The following RUVBL1 variants were observed in gnomAD, a reference collection of about 807,000 sequenced individuals.
The protein encoded by RUVBL1 is RuvB like AAA ATPase 1.
A neutral mutation model predicts 52.4 loss-of-function variants in RUVBL1; 4 were observed. The ratio of observed to expected loss-of-function variants is 0.08; its 90% CI spans 0.04 to 0.17. The LOEUF (loss-of-function observed/expected upper bound fraction) is 0.17, where lower values mean the gene tolerates loss of function less well. Among genes scored for constraint, RUVBL1 ranks in the 10% least tolerant of loss-of-function variants. The pLI, the probability that RUVBL1 is intolerant of heterozygous loss-of-function variation, is 1.00. For missense variants in RUVBL1, 298 were observed against 572.8 expected (o/e 0.52, Z 4.90); for synonymous variants, 217 against 214.4 (o/e 1.01, Z -0.10).
chr3:128,109,260 A>T (rs1943320093), intron 3 of RUVBL1, among the ~76,000 whole-genome samples: 1 of 152,126 alleles, frequency 6.6e-6, no homozygotes, highest in African/African-American at 2.4e-5. Context: ...TAAAACTGGC[A>T]CTGGGATGGG....
At position 128,067,228 on chromosome 3, in the gene RUVBL1, A is replaced by C; in HGVS notation, c.940-2008T>G. On this transcript the variant is annotated intron_variant, in intron 9 of 9. Transcript: ENST00000464873. The surrounding 1 kb of genome is among the most constrained non-coding windows in gnomAD (Gnocchi z 4.1). ...TTCTATCAGTGTCTTGCTCATGAACAGATATTTCATCCAAAGATATTTTCC... is the reference window on the plus strand; with the variant it reads ...TTCTATCAGTGTCTTGCTCATGAACCGATATTTCATCCAAAGATATTTTCC... 1 of 1,395,846 alleles carries C rather than the reference A, an allele frequency of 7.2e-7. No individual in the cohort carries two copies. The highest frequency in any genetic ancestry group is 1.0e-6 in the Non-Finnish European group (1 of 991,302). The allele number at this position is 1,395,846 out of a possible 1,614,324, so 86.5% of individuals were successfully genotyped here.
intron 8 of RUVBL1, among the ~76,000 whole-genome samples, chr3:128,091,339 A>G (rs1464243432): frequency 1.3e-5 from 2 of 152,278 alleles, no homozygotes; most frequent in Non-Finnish European, 2.9e-5. Flanking sequence ...CAAGGCAGCC[A>G]TAATGGTAAT....
At chr3:128,098,619 T>G (rs1039004284) in intron 7 of RUVBL1, among the ~76,000 whole-genome samples, 1 of 152,194 alleles carries the variant, frequency 6.6e-6, no homozygotes, top group African/African-American at 2.4e-5. Context: ...CCAGCAGAGC[T>G]GGGCGACACA....
chr3:128,141,286 C>T (rs887919592), intron 1 of RUVBL1, among the ~76,000 whole-genome samples: 8 of 152,186 alleles, frequency 5.3e-5, no homozygotes, highest in African/African-American at 1.9e-4. Flanking sequence ...CCTGGTAAGC[C>T]TTACCTCACA....
upstream of RUVBL1, among the ~76,000 whole-genome samples, chr3:128,127,954 G>A (rs75939240): frequency 3.5e-4 from 54 of 152,160 alleles, no homozygotes; most frequent in African/African-American, 9.6e-4. Context: ...CCGAGATTGC[G>A]CCACTGCACT....
At chr3:128,068,060 G>C (rs1942038444) in intron 9 of RUVBL1, 2 of 1,613,042 alleles carry the variant, frequency 1.2e-6, no homozygotes, top group Non-Finnish European at 1.7e-6. Flanking sequence ...AACTCAACCG[G>C]TGAGTGGTGG....
At chr3:128,103,130 T>G (rs184660478) in intron 4 of RUVBL1, among the ~76,000 whole-genome samples, 3 of 152,366 alleles carry the variant, frequency 2.0e-5, no homozygotes, top group East Asian at 1.9e-4. Context: ...GTATTCATTT[T>G]GGAAGAAAAA....
chr3:128,066,991 A>G, intron 9 of RUVBL1: 2 of 1,614,152 alleles, frequency 1.2e-6, no homozygotes, highest in Admixed American at 1.7e-5. Flanking sequence ...TCGGCCCGCT[A>G]CCGTGGCCAG....
At chr3:128,098,831 G>T in intron 7 of RUVBL1, 51 bp downstream of exon 7, 1 of 1,499,894 alleles carries the variant, frequency 6.7e-7, no homozygotes, top group Non-Finnish European at 9.3e-7. Context: ...ATCTCAGAAT[G>T]TGGGGCCCTC....
chr3:128,065,458 C>A (rs983341278), intron 9 of RUVBL1, among the ~76,000 whole-genome samples: 17 of 152,254 alleles, frequency 1.1e-4, no homozygotes, highest in African/African-American at 4.1e-4. Flanking sequence ...TAAAAGTATT[C>A]CATCTCTTAA....
intron 1 of RUVBL1, among the ~76,000 whole-genome samples, chr3:128,133,991 G>A (rs907430152): frequency 6.6e-6 from 1 of 152,042 alleles, no homozygotes; most frequent in Non-Finnish European, 1.5e-5. Context: ...GAAGCGCAAC[G>A]AAATTCAAGA....
intron 1 of RUVBL1, among the ~76,000 whole-genome samples, chr3:128,136,476 AT>A (rs1273106542): frequency 3.3e-5 from 5 of 151,878 alleles, no homozygotes. Context: ...AAATACAAAA[AT>A]TTGCCGGGCA....
In RUVBL1 at chr3:128,081,077, C is replaced by T. The variant is rs72974082; in HGVS notation, c.*173G>A. 177 of 582,792 alleles carry T rather than the reference C, an allele frequency of 3.0e-4. 1 individual carries two copies. The African/African-American group carries it at 3.2e-3, about 10-fold the overall frequency. The allele number at this position is 582,792 out of a possible 1,614,324, so 36.1% of individuals were successfully genotyped here. ...TAAGGAAGGGTTCTTTCAAAGCAAC[C>T]ACAGGAACAGTTACGATAACTTAAA... On this transcript the variant is annotated 3_prime_UTR_variant, in exon 11 of 11. Transcript: ENST00000322623. This position sits in a 1 kb window ranked among gnomAD's most constrained non-coding sequence, Gnocchi z 4.8.
At chr3:128,153,693 G>T in exon 1 of RUVBL1, 1 of 1,589,978 alleles carries the variant, frequency 6.3e-7, no homozygotes, top group Non-Finnish European at 8.5e-7. Flanking sequence ...CGCTGCCCGC[G>T]CGCCTGCGGT....
chr3:128,092,107 C>T (rs1278069495), intron 8 of RUVBL1, among the ~76,000 whole-genome samples: 7 of 152,188 alleles, frequency 4.6e-5, no homozygotes, highest in African/African-American at 7.2e-5. Flanking sequence ...AAAAAAAGAA[C>T]AGTCTTTTCA....
At chr3:128,123,950 G>A (rs1384002917), upstream of RUVBL1, 6 of 1,231,898 alleles carry the variant, frequency 4.9e-6, no homozygotes, top group African/African-American at 6.2e-5. Context: ...CTGTGTCTCC[G>A]GGTTGGCTTC....
At chr3:128,147,351 T>C (rs1354034487) in intron 1 of RUVBL1, among the ~76,000 whole-genome samples, 1 of 152,152 alleles carries the variant, frequency 6.6e-6, no homozygotes, top group Admixed American at 6.6e-5. Flanking sequence ...ATTACAGGCA[T>C]GAGCCACCAC....
At chr3:128,148,888 G>A (rs1055350461) in intron 1 of RUVBL1, among the ~76,000 whole-genome samples, 7 of 151,966 alleles carry the variant, frequency 4.6e-5, no homozygotes, top group Non-Finnish European at 7.4e-5. Context: ...AGTCTGCATC[G>A]TATTCCACAG....
At chr3:128,100,097 A>G (rs1361045734) in intron 6 of RUVBL1, among the ~76,000 whole-genome samples, 3 of 152,246 alleles carry the variant, frequency 2.0e-5, no homozygotes, top group African/African-American at 7.2e-5. Context: ...GAAATGTCAT[A>G]TAGTGATAAC....
Sources: allele counts gnomAD v4.1 joint callset (sites outside exome capture counted in the v4.1 genomes callset), GRCh38; gene constraint gnomAD v4.1.1; non-coding constraint Gnocchi (gnomAD v3.1); transcripts MANE v1.5; gene names NCBI Gene and HGNC (gene_info 2026-07-23, HGNC 2026-07-21).